Variants in ATXN8OS observed in about 807,000 individuals in gnomAD.
ATXN8OS encodes ATXN8 opposite strand lncRNA.
In ATXN8OS at chr13:70,158,691, T is replaced by C. The variant is rs139179703; in HGVS notation, n.574-11062T>C. ...TTAGCATGAAAGAAGCCATAGACAG[T>C]ATATAAACAAATGAGCACGGTTGTG... On this transcript the variant is annotated intron_variant and non_coding_transcript_variant, in intron 4 of 4. Coordinates refer to ENST00000678624, the Ensembl canonical transcript of ATXN8OS. Among the ~76,000 whole-genome samples, 719 of 152,312 alleles carry C rather than the reference T, an allele frequency of 4.7e-3. 6 individuals carry two copies. Among genetic ancestry groups the C allele is most frequent in the African/African-American group, 0.016 (677 of 41,562 alleles).
At chr13:70,159,114 G>A (rs73216612) in intron 4 of ATXN8OS, among the ~76,000 whole-genome samples, 5,102 of 149,946 alleles carry the variant, frequency 0.034, 142 homozygotes, top group Admixed American at 0.075. Context: ...ATAGTTCAAC[G>A]TATTTTAGAT....
intron 3 of ATXN8OS, among the ~76,000 whole-genome samples, chr13:70,145,381 T>C (rs1472026439): frequency 6.6e-6 from 1 of 151,848 alleles, no homozygotes; most frequent in Non-Finnish European, 1.5e-5. Flanking sequence ...TTTCCAATTC[T>C]GTGAAGAAAG....
Position 70,111,695 on chromosome 13 carries a change from G to A in ATXN8OS, n.241-3446G>A, listed in dbSNP as rs79178791. Among the ~76,000 whole-genome samples, 14 of 152,218 alleles carry A rather than the reference G, an allele frequency of 9.2e-5. No homozygotes were observed. The East Asian group carries it at 2.7e-3, about 29-fold the overall frequency. ...CTAGACTGAAAGCTTCTCACTTTTA[G>A]TGACTATTTTCTAAACAAGCACAAT... On this transcript the variant is annotated intron_variant and non_coding_transcript_variant, in intron 1 of 4. Coordinates refer to ENST00000678624, the Ensembl canonical transcript of ATXN8OS.
intron 4 of ATXN8OS, among the ~76,000 whole-genome samples, chr13:70,149,521 T>C (rs542684106): frequency 2.0e-5 from 3 of 152,264 alleles, no homozygotes; most frequent in South Asian, 2.1e-4. Flanking sequence ...AGAAACTGTT[T>C]CCTGGAATCC....
chr13:70,147,768 C>T (rs1888807017), intron 4 of ATXN8OS, among the ~76,000 whole-genome samples: 1 of 152,078 alleles, frequency 6.6e-6, no homozygotes, highest in African/African-American at 2.4e-5. Context: ...GTGACACAGC[C>T]TCGGGAGGTC....
At chr13:70,159,783 C>T (rs1440879982) in intron 4 of ATXN8OS, among the ~76,000 whole-genome samples, 1 of 152,182 alleles carries the variant, frequency 6.6e-6, no homozygotes, top group African/African-American at 2.4e-5. Flanking sequence ...CACATGGAAT[C>T]ATACAGTATA....
intron 2 of ATXN8OS, among the ~76,000 whole-genome samples, chr13:70,123,447 T>A (rs1234720466): frequency 6.6e-6 from 1 of 152,132 alleles, no homozygotes; most frequent in Non-Finnish European, 1.5e-5. Context: ...TTGAAGGTAT[T>A]ACCTATTTTT....
At chr13:70,169,623 T>C (rs1163278099) in intron 4 of ATXN8OS, among the ~76,000 whole-genome samples, 2 of 152,148 alleles carry the variant, frequency 1.3e-5, no homozygotes, top group African/African-American at 2.4e-5. Context: ...AAGAGTATTG[T>C]CATAAGTAAA....
chr13:70,160,666 C>A (rs150704688), intron 4 of ATXN8OS, among the ~76,000 whole-genome samples: 252 of 14,508 alleles, frequency 0.017, 90 homozygotes, highest in East Asian at 0.14. Flanking sequence ...ACAAAATATT[C>A]TTGGTAGAGA....
chr13:70,158,261 T>C (rs1197478360), intron 4 of ATXN8OS, among the ~76,000 whole-genome samples: 3 of 151,888 alleles, frequency 2.0e-5, no homozygotes, highest in Non-Finnish European at 2.9e-5. Context: ...CTACTAAAAA[T>C]ACAAAAATTA....
intron 3 of ATXN8OS, among the ~76,000 whole-genome samples, chr13:70,142,893 G>C (rs1297258426): frequency 6.6e-6 from 1 of 152,122 alleles, no homozygotes; most frequent in Non-Finnish European, 1.5e-5. Flanking sequence ...GACCAACATG[G>C]AGAAACCTCC....
rs925030678 is a variant in ATXN8OS, at chr13:70,161,172, G to T, written n.574-8581G>T. Among the ~76,000 whole-genome samples, 6 of 150,904 alleles carry T rather than the reference G, an allele frequency of 4.0e-5. No individual in the cohort carries two copies. The East Asian group carries it at 9.7e-4, about 24-fold the overall frequency. ...ATTGAATTGAAAAAAAAAATCTAAG[G>T]TTAAACTGAAAAATTACCCACTGTC... On this transcript the variant is annotated intron_variant and non_coding_transcript_variant, in intron 4 of 4. Transcript: ENST00000678624.
At chr13:70,166,796 C>G (rs1196373832) in intron 4 of ATXN8OS, among the ~76,000 whole-genome samples, 1 of 152,070 alleles carries the variant, frequency 6.6e-6, no homozygotes, top group South Asian at 2.1e-4. Flanking sequence ...TATCCAGAAT[C>G]TACAATGAAC....
intron 4 of ATXN8OS, among the ~76,000 whole-genome samples, chr13:70,151,812 T>G (rs1483783421): frequency 1.3e-5 from 2 of 152,112 alleles, no homozygotes; most frequent in Non-Finnish European, 2.9e-5. Context: ...AATAACGACC[T>G]GAATTAGTGG....
chr13:70,112,615 G>A (rs567494979), intron 1 of ATXN8OS, among the ~76,000 whole-genome samples: 3 of 151,892 alleles, frequency 2.0e-5, no homozygotes, highest in Non-Finnish European at 4.4e-5. Context: ...TTGATCCCCA[G>A]GGGCCATTTT....
At chr13:70,121,269 G>A (rs556537259) in intron 2 of ATXN8OS, among the ~76,000 whole-genome samples, 16 of 152,056 alleles carry the variant, frequency 1.1e-4, no homozygotes, top group Non-Finnish European at 4.4e-5. Context: ...AAAGCCACTC[G>A]GGTAGCAAAG....
At chr13:70,147,373 T>C (rs967329062) in exon 4 of ATXN8OS, among the ~76,000 whole-genome samples, 1 of 152,134 alleles carries the variant, frequency 6.6e-6, no homozygotes, top group African/African-American at 2.4e-5. Flanking sequence ...CTGGATAAAG[T>C]GCGAAGGAGC....
At chr13:70,111,165 A>G (rs768224254) in intron 1 of ATXN8OS, among the ~76,000 whole-genome samples, 2 of 152,326 alleles carry the variant, frequency 1.3e-5, no homozygotes, top group Admixed American at 6.5e-5. Context: ...AACTCTTCGC[A>G]TAAGTATTAA....
At chr13:70,132,386 C>T (rs9542183) in intron 3 of ATXN8OS, among the ~76,000 whole-genome samples, 2,210 of 147,862 alleles carry the variant, frequency 0.015, 36 homozygotes, top group Middle Eastern at 0.068. Context: ...GAACAGAAAA[C>T]CAAATACTGC....
Sources: gnomAD v4.1 joint callset for allele counts (sites outside exome capture counted in the v4.1 genomes callset) on GRCh38, gnomAD v4.1.1 for gene constraint, MANE v1.5 for transcripts, NCBI Gene and HGNC (gene_info 2026-07-23, HGNC 2026-07-21) for gene names.